Variants in KCTD14 observed in about 807,000 individuals in gnomAD.
KCTD14 encodes potassium channel tetramerization domain containing 14.
Under a neutral mutation model 5.9 loss-of-function variants are expected in KCTD14, and 7 were observed. The ratio of observed to expected loss-of-function variants is 1.19; its 90% confidence interval spans 0.68 to 2.23. KCTD14 has a LOEUF of 2.23. Among genes scored for constraint, KCTD14 ranks in the 30% most tolerant of loss-of-function variants. KCTD14 has a pLI of 0.00. For missense variants in KCTD14, 342 were observed against 332.2 expected, an observed-to-expected ratio of 1.03 and a Z score of -0.23; for synonymous variants, 140 against 133.1, an observed-to-expected ratio of 1.05 and a Z score of -0.36.
chr11:78,028,231 A>G (rs1300881351), upstream of KCTD14, among the ~76,000 whole-genome samples: 2 of 152,218 alleles, frequency 1.3e-5, no homozygotes, highest in African/African-American at 4.8e-5. Flanking sequence ...GGGACATCCT[A>G]TAATATAACT....
chr11:78,023,518 CTTTT>C, upstream of KCTD14: 2 of 365,536 alleles, frequency 5.5e-6, no homozygotes, highest in Non-Finnish European at 9.9e-6. Context: ...TTCTTTCTTT[CTTTT>C]TTTTTTTTCA....
chr11:78,019,026 CTTTT>C (rs750759055), intron 1 of KCTD14, among the ~76,000 whole-genome samples: 1 of 140,400 alleles, frequency 7.1e-6, no homozygotes, highest in African/African-American at 2.6e-5. Flanking sequence ...TTTTTCTTTT[CTTTT>C]TTTTTTTTTT....
intron 2 of KCTD14, chr11:78,038,579 C>T: frequency 2.0e-6 from 3 of 1,478,420 alleles, no homozygotes; most frequent in South Asian, 2.4e-5. Flanking sequence ...GCGTAGGCCC[C>T]AGCTGGTTAC....
At chr11:78,018,731 G>A (rs1170894102) in intron 1 of KCTD14, among the ~76,000 whole-genome samples, 1 of 151,898 alleles carries the variant, frequency 6.6e-6, no homozygotes, top group African/African-American at 2.4e-5. Flanking sequence ...GAAGAAGAAA[G>A]TAAAATGGGG....
upstream of KCTD14, among the ~76,000 whole-genome samples, chr11:78,027,675 CT>C (rs1481571183): frequency 6.6e-6 from 1 of 151,892 alleles, no homozygotes; most frequent in East Asian, 1.9e-4. Flanking sequence ...CCTGTCTCTA[CT>C]CTTAAAAAAT....
intron 1 of KCTD14, among the ~76,000 whole-genome samples, chr11:78,042,443 G>T (rs1858020370): frequency 6.6e-6 from 1 of 152,034 alleles, no homozygotes; most frequent in African/African-American, 2.4e-5. Context: ...GGGAGGCGGA[G>T]GTTGCAGTGA....
intron 1 of KCTD14, among the ~76,000 whole-genome samples, chr11:78,021,643 G>A (rs113733540): frequency 0.017 from 2,550 of 152,108 alleles, 72 homozygotes; most frequent in African/African-American, 0.055. Flanking sequence ...GGCCTCGAAC[G>A]CCTGAGGTAG....
At chr11:78,042,871 G>T (rs1174919430) in intron 1 of KCTD14, among the ~76,000 whole-genome samples, 1 of 152,212 alleles carries the variant, frequency 6.6e-6, no homozygotes, top group African/African-American at 2.4e-5. Flanking sequence ...ACAAAAGATT[G>T]GTCAGACCCG....
intron 1 of KCTD14, among the ~76,000 whole-genome samples, chr11:78,039,440 G>T (rs1417572143): frequency 1.3e-5 from 2 of 151,956 alleles, no homozygotes; most frequent in Non-Finnish European, 2.9e-5. Flanking sequence ...GAGGCGGGAG[G>T]ATTGCTTGAG....
chr11:78,036,066 G>A (rs928134148), intron 2 of KCTD14, among the ~76,000 whole-genome samples: 14 of 152,262 alleles, frequency 9.2e-5, no homozygotes, highest in African/African-American at 3.4e-4. Context: ...GGCTGAGGCA[G>A]GAGAATCACT....
Position 78,016,952 on chromosome 11 carries a change from G to T in KCTD14, c.409C>A (p.Gln137Lys), listed in dbSNP as rs1342643756. Residue 137 changes from glutamine (Q) to lysine (K), a missense_variant, in exon 2 of 2, where the codon CAG becomes AAG. By Grantham distance (53) the Gln-to-Lys change is moderately conservative. Transcript: ENST00000353172. Reference protein sequence around the residue: ...QIFGEQVSRKQFLLQVPGYSE... With the variant: ...QIFGEQVSRKKFLLQVPGYSE... ...TAGCCCGGCACTTGCAGCAAAAACT[G>T]CTTCCGAGACACCTGCTCACCAAAG... is the stretch of plus-strand genomic sequence containing the variant. 4 of 1,614,200 alleles carry T rather than the reference G, an allele frequency of 2.5e-6. No individual in the cohort carries two copies. The highest frequency in any genetic ancestry group is 3.4e-6 in the Non-Finnish European group (4 of 1,180,028).
upstream of KCTD14, chr11:78,023,860 A>C (rs1016912888): frequency 6.6e-6 from 1 of 152,422 alleles, no homozygotes; most frequent in Non-Finnish European, 1.5e-5. Context: ...TATTCCCTAC[A>C]GTCCTAGGGA....
At position 78,037,963 on chromosome 11, in the gene KCTD14, G is replaced by A. The variant is rs192438802; in HGVS notation, c.-1+701C>T. On this transcript the variant is annotated intron_variant, in intron 2 of 2. Coordinates refer to the KCTD14 transcript ENST00000533144. ...TTAACTTAGGTGCATTCCTCTGTGT[G>A]TAAGTTACATTTCAATAAAAAGTTG... Among the ~76,000 whole-genome samples, 171 of 148,460 alleles carry A rather than the reference G, an allele frequency of 1.2e-3. 3 individuals are homozygous for A. Among genetic ancestry groups the A allele is most frequent in the Non-Finnish European group, 1.0e-4 (7 of 67,350 alleles).
At chr11:78,039,628 A>C (rs957451812) in intron 1 of KCTD14, among the ~76,000 whole-genome samples, 1 of 151,578 alleles carries the variant, frequency 6.6e-6, no homozygotes, top group Non-Finnish European at 1.5e-5. Context: ...ATAGCTAGGC[A>C]TGTTGATATG....
chr11:78,039,158 G>A (rs1857916193), intron 1 of KCTD14, among the ~76,000 whole-genome samples: 1 of 151,776 alleles, frequency 6.6e-6, no homozygotes, highest in Non-Finnish European at 1.5e-5. Context: ...AACTGGGACA[G>A]GGTTGGTGCC....
rs1414012536 is a variant in KCTD14 at position 78,016,938 on chromosome 11, T to C, written c.423A>G (p.Gln141=). 6.2e-7 allele frequency: 1 copy of C among 1,614,138 alleles called. No homozygotes were observed. Among genetic ancestry groups the C allele is most frequent in the Non-Finnish European group, 8.5e-7 (1 of 1,180,064 alleles). Residue 141 remains glutamine (Q), a synonymous_variant, in exon 2 of 2, where the codon CAA becomes CAG. Coordinates refer to ENST00000353172, the MANE Select transcript of KCTD14 (RefSeq NM_023930.4). ...CCAGGTTCTCGCTGTAGCCCGGCAC[T>C]TGCAGCAAAAACTGCTTCCGAGACA... The part of the protein sequence containing the change: ...EQVSRKQFLL[Q]VPGYSENLEL...
intron 1 of KCTD14, among the ~76,000 whole-genome samples, chr11:78,020,251 G>T (rs561283306): frequency 5.8e-4 from 88 of 152,312 alleles, no homozygotes; most frequent in African/African-American, 1.9e-3. Context: ...CCACAAGAGT[G>T]GGGATGGGGA....
intron 1 of KCTD14, among the ~76,000 whole-genome samples, chr11:78,021,658 T>C (rs1032949850): frequency 6.6e-6 from 1 of 152,088 alleles, no homozygotes; most frequent in African/African-American, 2.4e-5. Context: ...AGGTAGGTGG[T>C]CCACCCACCT....
At chr11:78,045,116 T>G (rs186152988) in intron 1 of KCTD14, among the ~76,000 whole-genome samples, 2 of 152,280 alleles carry the variant, frequency 1.3e-5, no homozygotes, top group Non-Finnish European at 2.9e-5. Flanking sequence ...CCTGAGATCT[T>G]TTTTTGAGAC....
Sources: gnomAD v4.1 joint callset for allele counts (sites outside exome capture counted in the v4.1 genomes callset) on GRCh38, gnomAD v4.1.1 for gene constraint, MANE v1.5 for transcripts, NCBI Gene and HGNC (gene_info 2026-07-23, HGNC 2026-07-21) for gene names.